The following CDH23 variants were observed in gnomAD, a reference collection of about 807,000 sequenced individuals.
CDH23 encodes the protein cadherin-23.
CDH23 carries 189 observed loss-of-function variants against 317.1 expected under a neutral mutation model. The ratio of observed to expected loss-of-function variants is 0.60; its 90% confidence interval spans 0.53 to 0.67. CDH23 has a LOEUF of 0.67. CDH23 is among the 30% of genes least tolerant of loss of function. The pLI is 0.00. For missense variants in CDH23, 4,401 were observed against 4,592.4 expected, an observed-to-expected ratio of 0.96 and a Z score of 1.20; for synonymous variants, 1,839 against 1,876.8, an observed-to-expected ratio of 0.98 and a Z score of 0.52.
chr10:71,812,908 G>T lies in CDH23; in HGVS notation c.9633+18G>T. 6.2e-7 allele frequency: 1 copy of T among 1,612,066 alleles called. No individual in the cohort carries two copies. Among genetic ancestry groups the T allele is most frequent in the Non-Finnish European group, 8.5e-7 (1 of 1,179,106 alleles). ...CAATCAAGGTGAGCCTTCCCTGCAGGCTCCGCGCCCAGTCCCTTGGCTGAG... is the reference window on the plus strand; with the variant it reads ...CAATCAAGGTGAGCCTTCCCTGCAGTCTCCGCGCCCAGTCCCTTGGCTGAG... On this transcript the variant is annotated intron_variant, in intron 68 of 69. Transcript: ENST00000224721.
At chr10:71,745,512 C>A (rs1015613511) in intron 38 of CDH23, among the ~76,000 whole-genome samples, 1 of 152,150 alleles carries the variant, frequency 6.6e-6, no homozygotes, top group Non-Finnish European at 1.5e-5. Context: ...CTCAAGACCC[C>A]CCCTCTACTG....
In CDH23 at chr10:71,784,905, C is replaced by G. The variant is rs1564792150; in HGVS notation, c.5517C>G (p.Ile1839Met). The change falls in exon 43 of 70, where the codon ATC becomes ATG. Residue 1839 changes from isoleucine (I) to methionine (M), a missense_variant. Ile to Met is a conservative substitution (Grantham distance 10, BLOSUM62 1). Around this residue, in one of 3 missense-constraint regions of CDH23, gnomAD observed 3,068 missense variants for 3,203.3 expected, o/e 0.96. Transcript: ENST00000224721. ...GACTGGCCCAGATGCTGGTGGGGAT[C>G]CGGGTGCTGGACATCAACGACAACG... ...PPLSSTMLVG[I>M]RVLDINDNDP... The G allele has an allele frequency of 6.2e-7, 1 of 1,613,904 alleles. No homozygotes were observed. The highest frequency in any genetic ancestry group is 8.5e-7 in the Non-Finnish European group (1 of 1,179,782).
At chr10:71,552,563 A>T (rs1856656768) in intron 6 of CDH23, among the ~76,000 whole-genome samples, 1 of 152,140 alleles carries the variant, frequency 6.6e-6, no homozygotes, top group Admixed American at 6.5e-5. Flanking sequence ...GCTTTCATTG[A>T]TTTTTGCTTC....
At chr10:71,666,431 G>A (rs1863898980) in intron 14 of CDH23, among the ~76,000 whole-genome samples, 1 of 152,060 alleles carries the variant, frequency 6.6e-6, no homozygotes, top group Non-Finnish European at 1.5e-5. Context: ...TCTCCCAGGT[G>A]CATGGCCACC....
chr10:71,803,478 T>C, intron 55 of CDH23, 58 bp downstream of exon 55: 1 of 1,468,154 alleles, frequency 6.8e-7, no homozygotes, highest in Non-Finnish European at 9.3e-7. Flanking sequence ...AGCTGTGGCC[T>C]AGAAGAGTGG....
At chr10:71,779,215 A>C in intron 40 of CDH23, 52 bp from the exon 41 acceptor site, 1 of 1,574,826 alleles carries the variant, frequency 6.3e-7, no homozygotes, top group Non-Finnish European at 8.7e-7. Context: ...ACTGAGGCCC[A>C]GCACAAAGCT....
chr10:71,511,226 G>A lies in CDH23; in HGVS notation c.429+14G>A. On this transcript the variant is annotated intron_variant, in intron 6 of 69. Coordinates refer to ENST00000224721, the MANE Select transcript of CDH23 (RefSeq NM_022124.6). ...CGCATCCCTGAGGTAGGAGCCACTG[G>A]GGTTACCCTTGAGGGTATCAGAGAC... 6.2e-7 allele frequency: 1 copy of A among 1,609,982 alleles called. No homozygotes were observed. Among genetic ancestry groups the A allele is most frequent in the Non-Finnish European group, 8.5e-7 (1 of 1,176,470 alleles).
intron 3 of CDH23, among the ~76,000 whole-genome samples, chr10:71,461,282 G>A (rs926240743): frequency 2.0e-5 from 3 of 152,240 alleles, no homozygotes; most frequent in African/African-American, 7.2e-5. Context: ...CACTGACAGT[G>A]GGCATGATGG....
intron 38 of CDH23, chr10:71,755,400 AGGATGAGGG>A: frequency 6.2e-7 from 1 of 1,613,522 alleles, no homozygotes; most frequent in Non-Finnish European, 8.5e-7. Flanking sequence ...GACCAGGAGC[AGGATGAGGG>A]GGAGGCAGAG....
rs377493327 is a variant in CDH23, at chr10:71,738,575, C to T, written c.4287C>T (p.Pro1429=). 326 of 1,613,922 alleles carry T rather than the reference C, an allele frequency of 2.0e-4. No homozygotes were observed. The African/African-American group carries it at 3.3e-3, about 16-fold the overall frequency. ...CCTCCGACTCGGCGGTCAGCATACCCGAGGACTGCCCTGTGGGCCAGCGAG... is the reference window on the plus strand; with the variant it reads ...CCTCCGACTCGGCGGTCAGCATACCTGAGGACTGCCCTGTGGGCCAGCGAG... ...DFTSDSAVSI[P]EDCPVGQRVA... Residue 1429 remains proline, a synonymous_variant, in exon 35 of 70, where the codon CCC becomes CCT. Coordinates refer to ENST00000224721, the MANE Select transcript of CDH23 (RefSeq NM_022124.6).
At chr10:71,716,018 C>T (rs1248414655) in intron 28 of CDH23, 81 of 1,499,528 alleles carry the variant, frequency 5.4e-5, no homozygotes, top group Non-Finnish European at 6.8e-5. Context: ...GACGGTGGGC[C>T]GGCCATGGCG....
intron 3 of CDH23, among the ~76,000 whole-genome samples, chr10:71,490,538 T>C (rs950366705): frequency 2.6e-5 from 4 of 152,132 alleles, no homozygotes; most frequent in Non-Finnish European, 5.9e-5. Flanking sequence ...TCATATTACA[T>C]AGGAGGAAAT....
intron 6 of CDH23, among the ~76,000 whole-genome samples, chr10:71,527,137 G>A (rs536535000): frequency 1.9e-4 from 29 of 152,336 alleles, no homozygotes; most frequent in African/African-American, 6.0e-4. Context: ...ACAGAGTGGG[G>A]TGGGGATGCC....
Position 71,725,664 on chromosome 10 carries a change from G to A in CDH23, c.3579+144G>A, listed in dbSNP as rs573344251. ...GAATGACATCTGGGCCTAAGGGTTC[G>A]GTGACAGGTGCCCAGCCTGGGACTT... On this transcript the variant is annotated intron_variant, in intron 30 of 69. Transcript: ENST00000224721. 301 of 986,326 alleles carry A rather than the reference G, an allele frequency of 3.1e-4. 1 individual carries two copies. Among genetic ancestry groups the A allele is most frequent in the Admixed American group, 3.0e-3 (104 of 35,118 alleles). The allele number at this position is 986,326 out of a possible 1,614,324, so 61.1% of individuals were successfully genotyped here. A position where few individuals can be genotyped will look rare whatever the true frequency, so the allele number is the denominator to read the frequency against.
At chr10:71,584,457 A>G (rs918969671) in intron 9 of CDH23, among the ~76,000 whole-genome samples, 3 of 152,032 alleles carry the variant, frequency 2.0e-5, no homozygotes, top group African/African-American at 7.2e-5. Context: ...ATTTTATTTT[A>G]ATGCTACCCA....
intron 38 of CDH23, among the ~76,000 whole-genome samples, chr10:71,774,142 A>C (rs985728152): frequency 6.6e-6 from 1 of 152,100 alleles, no homozygotes; most frequent in African/African-American, 2.4e-5. Context: ...CCCGGGACAC[A>C]CACAGATATG....
chr10:71,514,569 G>T (rs1057013822), intron 6 of CDH23, among the ~76,000 whole-genome samples: 2 of 152,138 alleles, frequency 1.3e-5, no homozygotes, highest in African/African-American at 2.4e-5. Context: ...CCTCTGCCGG[G>T]TCCAGCCCCC....
In CDH23 at chr10:71,809,167, CTTTTTTT is replaced by C. The variant is rs61078259; in HGVS notation, c.8723-635_8723-629del. On this transcript the variant is annotated intron_variant, in intron 60 of 69. Transcript: ENST00000224721. ...TATGGGTTTTGTTGTTTTCTTTTTC[CTTTTTTT>C]TTTTTTTTTTTTTTTTTGGTGATAG... Among the ~76,000 whole-genome samples, 182 of 68,864 alleles carry C rather than the reference CTTTTTTT, an allele frequency of 2.6e-3. 1 individual carries two copies. Among genetic ancestry groups the C allele is most frequent in the African/African-American group, 8.8e-3 (142 of 16,188 alleles). 45.2% of individuals were successfully genotyped at this position (68,864 alleles called of 152,430 possible).
rs1296922275 is a variant in CDH23, at chr10:71,706,992, C to T, written c.3049C>T (p.Leu1017=). 2 of 1,608,146 alleles carry T rather than the reference C, an allele frequency of 1.2e-6. No homozygotes were observed. Among genetic ancestry groups the T allele is most frequent in the Non-Finnish European group, 1.7e-6 (2 of 1,177,404 alleles). ...DVPREFRVVW[L]NCTDNDVGLN... The stretch of plus-strand genomic sequence containing the variant: ...GCCACGCGAGTTCCGGGTGGTCTGG[C>T]TGAACTGCACGGACAACGACGTGGG... Residue 1017 remains leucine (L), a synonymous_variant, in exon 26 of 70, where the codon CTG becomes TTG. Transcript: ENST00000224721.
Sources: allele counts gnomAD v4.1 joint callset (sites outside exome capture counted in the v4.1 genomes callset), GRCh38; gene constraint gnomAD v4.1.1; regional missense constraint gnomAD v4.1.1; transcripts MANE v1.5; gene names NCBI Gene and HGNC (gene_info 2026-07-23, HGNC 2026-07-21).